The following B3GAT2 variants were observed in gnomAD, a reference collection of about 807,000 sequenced individuals.
B3GAT2 encodes the protein galactosylgalactosylxylosylprotein 3-beta-glucuronosyltransferase 2.
In B3GAT2, 26 loss-of-function variants were observed where a neutral mutation model predicts 27.8. The observed-to-expected ratio is 0.93, with a 90% CI of 0.68 to 1.30. The LOEUF (loss-of-function observed/expected upper bound fraction) is 1.30. B3GAT2 is among the 50% of genes most tolerant of loss of function. B3GAT2 has a pLI of 0.00. For synonymous variants in B3GAT2, 218 were observed against 195.1 expected, an observed-to-expected ratio of 1.12 and a Z score of -0.98; for missense variants, 458 against 459.0, an observed-to-expected ratio of 1.00 and a Z score of 0.02.
chr6:70,955,623 C>T (rs1354463993), intron 1 of B3GAT2, among the ~76,000 whole-genome samples: 1 of 152,182 alleles, frequency 6.6e-6, no homozygotes, highest in Non-Finnish European at 1.5e-5. Flanking sequence ...CCTTAAGCCA[C>T]AGTGATCCTC....
At chr6:70,885,618 G>A (rs1741824) in intron 2 of B3GAT2, among the ~76,000 whole-genome samples, 50,512 of 151,980 alleles carry the variant, frequency 0.33, 13,086 homozygotes, top group African/African-American at 0.7. Flanking sequence ...AGCCCACAGC[G>A]GAGTTCAAAT....
chr6:70,955,726 G>C, intron 1 of B3GAT2, 113 bp downstream of exon 1: 1 of 1,243,800 alleles, frequency 8.0e-7, no homozygotes, highest in Non-Finnish European at 1.1e-6. Flanking sequence ...CGCGCACGGA[G>C]AACTGAGAAC....
intron 1 of B3GAT2, among the ~76,000 whole-genome samples, chr6:70,905,184 C>T (rs959870366): frequency 3.9e-5 from 6 of 152,272 alleles, no homozygotes; most frequent in African/African-American, 9.6e-5. Flanking sequence ...AATAGAACCA[C>T]AGCTAGGAGT....
intron 2 of B3GAT2, among the ~76,000 whole-genome samples, chr6:70,870,004 C>G (rs1436288268): frequency 6.6e-6 from 1 of 151,698 alleles, no homozygotes; most frequent in Non-Finnish European, 1.5e-5. Context: ...GGATCTAGAA[C>G]TAGAAATACC....
intron 2 of B3GAT2, 104 bp from the exon 3 acceptor site, chr6:70,862,082 C>T: frequency 2.8e-6 from 3 of 1,058,666 alleles, no homozygotes; most frequent in East Asian, 5.2e-5. Context: ...AAAATACCTA[C>T]TGTGTGTCAG....
rs1771630160 is a variant in B3GAT2, at chr6:70,859,862, T to C, written c.*1801A>G. On this transcript the variant is annotated 3_prime_UTR_variant, in exon 4 of 4. Transcript: ENST00000230053. ...TAGGATAATTTTAGACTATTTTACT[T>C]CCTAAAATTTTCTTACTCCTTAGTA... is the stretch of plus-strand genomic sequence containing the variant. The C allele has an allele frequency of 5.1e-6, 1 of 197,246 alleles. No individual in the cohort carries two copies. The highest frequency in any genetic ancestry group is 2.3e-5 in the African/African-American group (1 of 43,036). 12.2% of individuals were successfully genotyped at this position (197,246 alleles called of 1,614,324 possible). A position where few individuals can be genotyped will look rare whatever the true frequency, so the allele number is the denominator to read the frequency against.
intron 1 of B3GAT2, among the ~76,000 whole-genome samples, chr6:70,924,912 C>T (rs1772928041): frequency 6.6e-6 from 1 of 152,210 alleles, no homozygotes; most frequent in Non-Finnish European, 1.5e-5. Context: ...TTCGCAACTT[C>T]CTCAATTACT....
In B3GAT2 at chr6:70,858,056, A is replaced by T. The variant is rs996838647; in HGVS notation, c.*3607T>A. ...AAATGTGATGGGACAGAGTCCAAGC[A>T]TGATGGTGGGCATGCCCATGCCCAA... On this transcript the variant is annotated 3_prime_UTR_variant, in exon 4 of 4. Coordinates refer to ENST00000230053, the MANE Select transcript of B3GAT2 (RefSeq NM_080742.3). 3.1e-6 allele frequency: 5 copies of T among 1,613,980 alleles called. No homozygotes were observed. In the African/African-American group the frequency reaches 6.7e-5, roughly 22 times the overall value.
intron 2 of B3GAT2, among the ~76,000 whole-genome samples, chr6:70,882,305 T>G (rs567955516): frequency 6.6e-6 from 1 of 152,118 alleles, no homozygotes; most frequent in African/African-American, 2.4e-5. Flanking sequence ...ATCCAGACCA[T>G]ACTGGCTAAC....
intron 1 of B3GAT2, among the ~76,000 whole-genome samples, chr6:70,900,812 T>C (rs557826018): frequency 2.6e-5 from 4 of 152,362 alleles, no homozygotes; most frequent in Middle Eastern, 3.4e-3. Flanking sequence ...AAATCTTGTT[T>C]TATTTTTTCC....
intron 2 of B3GAT2, among the ~76,000 whole-genome samples, chr6:70,891,817 C>A (rs1457327428): frequency 6.6e-6 from 1 of 150,708 alleles, no homozygotes; most frequent in African/African-American, 2.4e-5. Context: ...TGGGAAGCAC[C>A]AATTGAACAT....
At chr6:70,869,902 AGAGGATGTG>A (rs1771906521) in intron 2 of B3GAT2, among the ~76,000 whole-genome samples, 1 of 152,144 alleles carries the variant, frequency 6.6e-6, no homozygotes, top group Non-Finnish European at 1.5e-5. Context: ...CAGGTGCTGG[AGAGGATGTG>A]GAGAAATAGG....
intron 1 of B3GAT2, among the ~76,000 whole-genome samples, chr6:70,932,516 C>T (rs1279689082): frequency 1.3e-5 from 2 of 152,060 alleles, no homozygotes; most frequent in Non-Finnish European, 2.9e-5. Flanking sequence ...ACCTTAAGGA[C>T]ATTAAGTGAA....
intron 1 of B3GAT2, among the ~76,000 whole-genome samples, chr6:70,919,942 A>G (rs1772839586): frequency 6.6e-6 from 1 of 152,196 alleles, no homozygotes; most frequent in East Asian, 1.9e-4. Context: ...CAGAGCTGTC[A>G]GGCAGGGATG....
chr6:70,939,326 G>T (rs1182203736), intron 1 of B3GAT2, among the ~76,000 whole-genome samples: 5 of 140,128 alleles, frequency 3.6e-5, no homozygotes, highest in African/African-American at 1.4e-4. Flanking sequence ...AACCATTGTG[G>T]AAGTCAGTGC....
chr6:70,874,843 A>G (rs1399169803), intron 2 of B3GAT2, among the ~76,000 whole-genome samples: 3 of 152,106 alleles, frequency 2.0e-5, no homozygotes, highest in African/African-American at 7.2e-5. Context: ...ATGAGTTCCA[A>G]CCCTGTTCTG....
intron 2 of B3GAT2, among the ~76,000 whole-genome samples, chr6:70,865,941 G>A (rs1771844212): frequency 6.6e-6 from 1 of 152,188 alleles, no homozygotes; most frequent in Non-Finnish European, 1.5e-5. Context: ...GGGGAACCCG[G>A]AAAGCTCTGC....
chr6:70,874,211 T>C (rs187834484), intron 2 of B3GAT2, among the ~76,000 whole-genome samples: 3 of 152,338 alleles, frequency 2.0e-5, no homozygotes, highest in Non-Finnish European at 4.4e-5. Flanking sequence ...TTAGTTGTTC[T>C]TTTATTGTTG....
intron 1 of B3GAT2, among the ~76,000 whole-genome samples, chr6:70,947,003 G>A (rs1463236525): frequency 6.6e-6 from 1 of 151,898 alleles, no homozygotes; most frequent in Non-Finnish European, 1.5e-5. Context: ...ACGAAATGAA[G>A]GCAGAAAAAA....
Sources: allele counts gnomAD v4.1 joint callset (sites outside exome capture counted in the v4.1 genomes callset), GRCh38; gene constraint gnomAD v4.1.1; transcripts MANE v1.5; gene names NCBI Gene and HGNC (gene_info 2026-07-23, HGNC 2026-07-21).